MUC7: variants seen among roughly 807,000 people sequenced by gnomAD.
The protein encoded by MUC7 is mucin 7, secreted.
MUC7 carries 2 observed loss-of-function variants against 2.5 expected under a neutral mutation model. That is an observed-to-expected ratio of 0.81 (90% CI 0.33 to 2.55). MUC7 has a LOEUF of 2.55. Among genes scored for constraint, MUC7 ranks in the 30% most tolerant of loss-of-function variants. The probability of loss-of-function intolerance (pLI) is 0.11; values close to 1 mark genes in which losing one functional copy is unlikely to be tolerated. For missense variants in MUC7, 408 were observed against 455.6 expected (o/e 0.90, Z 0.95); for synonymous variants, 133 against 173.4 (o/e 0.77, Z 1.83).
At chr4:70,466,976 A>T (rs999397750) in intron 1 of MUC7, among the ~76,000 whole-genome samples, 1 of 152,176 alleles carries the variant, frequency 6.6e-6, no homozygotes, top group African/African-American at 2.4e-5. Context: ...GCACCACATC[A>T]TACTTATTCT....
chr4:70,482,066 C>A lies in MUC7; in HGVS notation c.*188C>A, dbSNP rs182126550. The A allele has an allele frequency of 2.8e-6, 2 of 719,326 alleles. No homozygotes were observed. The highest frequency in any genetic ancestry group is 1.8e-5 in the African/African-American group (1 of 55,992). The allele number at this position is 719,326 out of a possible 1,614,324, so 44.6% of individuals were successfully genotyped here. ...ATTAACAAGACAAAATGCCTCTATC[C>A]CACAAGCCAGATGCAGGTCTGGGGT... On this transcript the variant is annotated 3_prime_UTR_variant, in exon 3 of 3. Transcript: ENST00000304887.
chr4:70,436,048 G>A (rs1029695110), intron 1 of MUC7, among the ~76,000 whole-genome samples: 81 of 152,310 alleles, frequency 5.3e-4, no homozygotes, highest in African/African-American at 1.7e-3. Flanking sequence ...CTTCTGGCTT[G>A]TAGGGTTTCT....
At chr4:70,457,403 C>T (rs182798363) in intron 1 of MUC7, among the ~76,000 whole-genome samples, 2 of 152,252 alleles carry the variant, frequency 1.3e-5, no homozygotes, top group Non-Finnish European at 2.9e-5. Flanking sequence ...GATTATGCCA[C>T]AGCACTCTAG....
chr4:70,478,779 A>G (rs1291496452), intron 2 of MUC7, among the ~76,000 whole-genome samples: 1 of 152,216 alleles, frequency 6.6e-6, no homozygotes, highest in Non-Finnish European at 1.5e-5. Flanking sequence ...CTGTTTGAAC[A>G]ATATGACCTG....
chr4:70,437,153 G>C (rs2109700701), intron 1 of MUC7, among the ~76,000 whole-genome samples: 1 of 152,294 alleles, frequency 6.6e-6, no homozygotes, highest in South Asian at 2.1e-4. Context: ...GGCTACACAG[G>C]GGTCCCGGAC....
At chr4:70,466,450 A>G (rs1734684989) in intron 1 of MUC7, among the ~76,000 whole-genome samples, 1 of 152,236 alleles carries the variant, frequency 6.6e-6, no homozygotes. Context: ...CTCCAATTAA[A>G]AGACACAGAC....
chr4:70,467,086 GA>G (rs1734703457), intron 1 of MUC7, among the ~76,000 whole-genome samples: 1 of 152,124 alleles, frequency 6.6e-6, no homozygotes, highest in Non-Finnish European at 1.5e-5. Flanking sequence ...AATCAAATTA[GA>G]ACTCAGGATT....
At chr4:70,450,109 T>G (rs992993380) in intron 1 of MUC7, among the ~76,000 whole-genome samples, 1 of 152,192 alleles carries the variant, frequency 6.6e-6, no homozygotes, top group Non-Finnish European at 1.5e-5. Context: ...GTAGAAAAAC[T>G]TATAAGTCTA....
At chr4:70,469,511 G>T (rs1734776269), upstream of MUC7, among the ~76,000 whole-genome samples, 1 of 152,114 alleles carries the variant, frequency 6.6e-6, no homozygotes, top group Admixed American at 6.6e-5. Flanking sequence ...CTATCCATCT[G>T]ACAAAAGGCT....
At position 70,481,394 on chromosome 4, in the gene MUC7, C is replaced by A. The variant is rs1735175810; in HGVS notation, c.650C>A (p.Thr217Lys). ...CCAGAGACCACAGCTGCCCCACCCA[C>A]ACCTCCTGCAACTACACCAGCTCCA... ...APPETTAAPPTPPATTPAPPS... is the reference protein window; with the variant it reads ...APPETTAAPPKPPATTPAPPS... The change falls in exon 3 of 3, where the codon ACA becomes AAA. Residue 217 changes from threonine to lysine, a missense_variant. Thr to Lys is a moderately conservative substitution (Grantham distance 78, BLOSUM62 -1). Transcript: ENST00000304887. 1 of 1,613,262 alleles carries A rather than the reference C, an allele frequency of 6.2e-7. No individual in the cohort carries two copies. The highest frequency in any genetic ancestry group is 1.3e-5 in the African/African-American group (1 of 74,730).
At chr4:70,449,357 A>C (rs1261137692) in intron 1 of MUC7, among the ~76,000 whole-genome samples, 2 of 152,146 alleles carry the variant, frequency 1.3e-5, no homozygotes. Context: ...CAGACTAGGG[A>C]GAATGAGAAC....
At chr4:70,461,903 G>T (rs1734566708) in intron 1 of MUC7, among the ~76,000 whole-genome samples, 1 of 152,098 alleles carries the variant, frequency 6.6e-6, no homozygotes, top group African/African-American at 2.4e-5. Flanking sequence ...AAAGAAATAG[G>T]CATGAAAAAG....
At chr4:70,460,375 A>C (rs554002661) in intron 1 of MUC7, among the ~76,000 whole-genome samples, 1 of 152,300 alleles carries the variant, frequency 6.6e-6, no homozygotes, top group African/African-American at 2.4e-5. Context: ...TTGATAGATA[A>C]GTAGCCAAAT....
At chr4:70,463,119 C>G (rs975256961) in intron 1 of MUC7, among the ~76,000 whole-genome samples, 2 of 152,158 alleles carry the variant, frequency 1.3e-5, no homozygotes, top group Admixed American at 1.3e-4. Context: ...CATAGACCCT[C>G]TCTCTGCAAA....
At chr4:70,445,178 C>T (rs532884528) in intron 1 of MUC7, among the ~76,000 whole-genome samples, 25 of 152,324 alleles carry the variant, frequency 1.6e-4, no homozygotes, top group African/African-American at 5.8e-4. Flanking sequence ...CCACCATACT[C>T]CTCCCATGAC....
intron 1 of MUC7, among the ~76,000 whole-genome samples, chr4:70,432,861 A>G (rs575967486): frequency 1.6e-4 from 25 of 152,254 alleles, no homozygotes; most frequent in African/African-American, 5.8e-4. Context: ...TTATGGTTTT[A>G]GGTCTAATAT....
At chr4:70,447,320 A>G (rs1484672891) in intron 1 of MUC7, among the ~76,000 whole-genome samples, 1 of 152,218 alleles carries the variant, frequency 6.6e-6, no homozygotes, top group Non-Finnish European at 1.5e-5. Context: ...CGCCTGGCCC[A>G]ACACTTGACC....
chr4:70,436,565 T>C lies in MUC7; in HGVS notation c.-93+5878T>C, dbSNP rs187358950. ...TCAGCTCCATCAGGTCATTCTCTTC[T>C]CTACACTTGTTATTCTAGTTAGCCA... On this transcript the variant is annotated intron_variant, in intron 1 of 3. Coordinates refer to the MUC7 transcript ENST00000413702. 4.1e-4 allele frequency among the ~76,000 whole-genome samples: 63 copies of C among 152,312 alleles called. 1 individual carries two copies. The East Asian group carries it at 0.011, about 27-fold the overall frequency.
intron 1 of MUC7, among the ~76,000 whole-genome samples, chr4:70,465,740 G>A (rs927031556): frequency 1.3e-5 from 2 of 152,048 alleles, no homozygotes; most frequent in Admixed American, 1.3e-4. Flanking sequence ...AAGAAATATG[G>A]GACTATGTGA....
Sources: gnomAD v4.1 joint callset for allele counts (sites outside exome capture counted in the v4.1 genomes callset) on GRCh38, gnomAD v4.1.1 for gene constraint, MANE v1.5 for transcripts, NCBI Gene and HGNC (gene_info 2026-07-23, HGNC 2026-07-21) for gene names.